MTMR6: variants seen among roughly 807,000 people sequenced by gnomAD.
MTMR6 encodes phosphatidylinositol-3,5-bisphosphate 3-phosphatase MTMR6.
MTMR6 carries 47 observed loss-of-function variants against 80.1 expected under a neutral mutation model. The observed-to-expected ratio is 0.59, with a 90% CI of 0.46 to 0.75. The LOEUF (loss-of-function observed/expected upper bound fraction) is 0.75. Among genes scored for constraint, MTMR6 ranks in the 30% least tolerant of loss-of-function variants. The pLI is 0.00. For synonymous variants in MTMR6, 254 were observed against 253.0 expected (o/e 1.00, Z -0.04); for missense variants, 629 against 730.9 (o/e 0.86, Z 1.61).
intron 7 of MTMR6, among the ~76,000 whole-genome samples, 167 bp downstream of exon 7, chr13:25,258,393 T>G (rs1242223719): frequency 6.6e-6 from 1 of 152,134 alleles, no homozygotes; most frequent in Non-Finnish European, 1.5e-5. Context: ...ATTGACTACA[T>G]GTTAAAATAA....
At chr13:25,256,815 C>G (rs1214485736) in intron 9 of MTMR6, among the ~76,000 whole-genome samples, 1 of 152,030 alleles carries the variant, frequency 6.6e-6, no homozygotes, top group Non-Finnish European at 1.5e-5. Flanking sequence ...TGTTTTATTA[C>G]ATTATTTACA....
rs1956996603 is a variant in MTMR6, at chr13:25,247,203, G to C, written c.*2029C>G. 1 of 152,012 alleles carries C rather than the reference G, an allele frequency of 6.6e-6. No individual in the cohort carries two copies. The highest frequency in any genetic ancestry group is 1.5e-5 in the Non-Finnish European group (1 of 67,922). 9.4% of individuals were successfully genotyped at this position (152,012 alleles called of 1,614,324 possible). On this transcript the variant is annotated 3_prime_UTR_variant, in exon 14 of 14. Coordinates refer to ENST00000381801, the MANE Select transcript of MTMR6 (RefSeq NM_004685.5). ...TGTAATGGGCAAGTCTACTTGCCTA[G>C]GTGAGAAGAAAAAAAAAACAACTAC...
rs1957017877 is a variant in MTMR6 at position 25,248,097 on chromosome 13, ATC to A, written c.*1133_*1134del. 1 of 150,970 alleles carries A rather than the reference ATC, an allele frequency of 6.6e-6. No homozygotes were observed. The allele number at this position is 150,970 out of a possible 1,614,324, so 9.4% of individuals were successfully genotyped here. On this transcript the variant is annotated 3_prime_UTR_variant, in exon 14 of 14. Transcript: ENST00000381801. ...TGTTAAACAGTAACTTTGTACTAGAATCTCTTTTTTTTTCTATATTTAACAAG... is the reference window on the plus strand; with the variant it reads ...TGTTAAACAGTAACTTTGTACTAGAATCTTTTTTTTTCTATATTTAACAAG...
chr13:25,267,740 C>G (rs761155468), intron 3 of MTMR6, 39 bp downstream of exon 3: 20 of 1,572,038 alleles, frequency 1.3e-5, no homozygotes, highest in Non-Finnish European at 1.7e-5. Flanking sequence ...TAACCCATCT[C>G]AAATTGAGCA....
At chr13:25,281,348 G>C (rs1566044791) in intron 1 of MTMR6, among the ~76,000 whole-genome samples, 1 of 149,782 alleles carries the variant, frequency 6.7e-6, no homozygotes, top group Non-Finnish European at 1.5e-5. Context: ...AAGGAAAGGA[G>C]AAAGACAGGA....
chr13:25,282,013 G>A (rs1356032785), intron 1 of MTMR6, among the ~76,000 whole-genome samples: 3 of 152,136 alleles, frequency 2.0e-5, no homozygotes, highest in Non-Finnish European at 2.9e-5. Context: ...TGGCCTTCAA[G>A]ACTACAGTAA....
intron 2 of MTMR6, among the ~76,000 whole-genome samples, chr13:25,273,838 T>A (rs1161008002): frequency 6.6e-6 from 1 of 152,182 alleles, no homozygotes; most frequent in African/African-American, 2.4e-5. Context: ...GAACAACAGG[T>A]ATTTCATAAT....
At chr13:25,281,144 T>C (rs558600810) in intron 1 of MTMR6, among the ~76,000 whole-genome samples, 6 of 152,204 alleles carry the variant, frequency 3.9e-5, no homozygotes, top group Admixed American at 2.0e-4. Flanking sequence ...CTGAGCAACA[T>C]AGTGACACCC....
rs1022078859 is a variant in MTMR6, at chr13:25,252,079, G to A, written c.1347-95C>T. On this transcript the variant is annotated intron_variant, in intron 11 of 13. Transcript: ENST00000381801. ...TATAAATCAGGCGATGGCTTCCGAA[G>A]CAGATTTAAATTTTAGTTTTTTCTT... 1.3e-4 allele frequency: 175 copies of A among 1,386,308 alleles called. 1 individual carries two copies. The East Asian group carries it at 3.9e-3, about 31-fold the overall frequency. The allele number at this position is 1,386,308 out of a possible 1,614,324, so 85.9% of individuals were successfully genotyped here.
At chr13:25,260,476 C>T in intron 6 of MTMR6, 1 of 543,402 alleles carries the variant, frequency 1.8e-6, no homozygotes, top group Non-Finnish European at 2.7e-6. Context: ...TCTAAATTAT[C>T]TTTTGTGAAA....
At chr13:25,277,436 CAATA>C (rs1205835247) in intron 1 of MTMR6, among the ~76,000 whole-genome samples, 1 of 152,198 alleles carries the variant, frequency 6.6e-6, no homozygotes, top group Non-Finnish European at 1.5e-5. Context: ...GTGTCTGACA[CAATA>C]AATGTTTGTT....
Position 25,258,609 on chromosome 13 carries a change from T to C in MTMR6, c.810A>G (p.Gly270=). The C allele has an allele frequency of 6.3e-7, 1 of 1,598,926 alleles. No individual in the cohort carries two copies. Among genetic ancestry groups the C allele is most frequent in the Non-Finnish European group, 8.5e-7 (1 of 1,175,980 alleles). Residue 270 remains glycine (G), a synonymous_variant, in exon 7 of 14, where the codon GGA becomes GGG. Transcript: ENST00000381801. ...NYSNIRFQFV[G]IENIHVMRSS... ...ACCTCATGACATGAATATTTTCAATTCCAACAAACTGAAATCTAATATTGG... is the reference window on the plus strand; with the variant it reads ...ACCTCATGACATGAATATTTTCAATCCCAACAAACTGAAATCTAATATTGG...
At chr13:25,252,227 C>A (rs920399090) in intron 11 of MTMR6, among the ~76,000 whole-genome samples, 1 of 152,130 alleles carries the variant, frequency 6.6e-6, no homozygotes, top group Admixed American at 6.5e-5. Flanking sequence ...TCTCTCACAA[C>A]CATATATTTT....
chr13:25,273,807 G>T lies in MTMR6; in HGVS notation c.141+264C>A, dbSNP rs182103963. 3.5e-3 allele frequency among the ~76,000 whole-genome samples: 526 copies of T among 152,302 alleles called. 9 individuals are homozygous for T. Among genetic ancestry groups the T allele is most frequent in the African/African-American group, 0.012 (507 of 41,564 alleles). Reference sequence around the variant, plus strand: ...CCCAAAGTGCTGGGATTACAGGCGTGAGCCACCGCATCCGGCCTAGGAACA... The same window carrying T: ...CCCAAAGTGCTGGGATTACAGGCGTTAGCCACCGCATCCGGCCTAGGAACA... On this transcript the variant is annotated intron_variant, in intron 2 of 13. Coordinates refer to ENST00000381801, the MANE Select transcript of MTMR6 (RefSeq NM_004685.5).
At chr13:25,265,200 T>A (rs140330818) in intron 5 of MTMR6, among the ~76,000 whole-genome samples, 59 of 152,214 alleles carry the variant, frequency 3.9e-4, no homozygotes, top group African/African-American at 1.3e-3. Flanking sequence ...TCAGCGGTTG[T>A]CTTATCAAAA....
intron 3 of MTMR6, among the ~76,000 whole-genome samples, chr13:25,267,575 C>T (rs566372874): frequency 6.6e-6 from 1 of 152,258 alleles, no homozygotes; most frequent in South Asian, 2.1e-4. Flanking sequence ...TTTTCCTTAC[C>T]ATTACCCCTT....
chr13:25,275,915 G>C (rs1412155824), intron 1 of MTMR6, among the ~76,000 whole-genome samples: 1 of 143,092 alleles, frequency 7.0e-6, no homozygotes, highest in Non-Finnish European at 1.6e-5. Flanking sequence ...GGGGAGAGGA[G>C]GGGAGGGGAG....
In MTMR6 at chr13:25,248,099, CTCT is replaced by C. The variant is rs1957017940; in HGVS notation, c.*1130_*1132del. 1 of 150,786 alleles carries C rather than the reference CTCT, an allele frequency of 6.6e-6. No homozygotes were observed. Among genetic ancestry groups the C allele is most frequent in the Non-Finnish European group, 1.5e-5 (1 of 67,396 alleles). 9.3% of individuals were successfully genotyped at this position (150,786 alleles called of 1,614,324 possible). A position where few individuals can be genotyped will look rare whatever the true frequency, so the allele number is the denominator to read the frequency against. On this transcript the variant is annotated 3_prime_UTR_variant, in exon 14 of 14. Coordinates refer to ENST00000381801, the MANE Select transcript of MTMR6 (RefSeq NM_004685.5). ...TTAAACAGTAACTTTGTACTAGAATCTCTTTTTTTTTCTATATTTAACAAGAAG... is the reference window on the plus strand; with the variant it reads ...TTAAACAGTAACTTTGTACTAGAATCTTTTTTTTCTATATTTAACAAGAAG...
rs780703365 is a variant in MTMR6 at position 25,258,629 on chromosome 13, T to C, written c.790A>G (p.Ile264Val). ...GYENEDNYSN[I>V]RFQFVGIENI... The stretch of plus-strand genomic sequence containing the variant: ...TCAATTCCAACAAACTGAAATCTAA[T>C]ATTGGAATAGTTGTCTTCATTTTCA... Residue 264 changes from isoleucine to valine, a missense_variant, in exon 7 of 14, where the codon ATT becomes GTT. Coordinates refer to ENST00000381801, the MANE Select transcript of MTMR6 (RefSeq NM_004685.5). The C allele has an allele frequency of 5.6e-6, 9 of 1,598,898 alleles. No individual in the cohort carries two copies. In the East Asian group the frequency reaches 1.8e-4, roughly 32 times the overall value.
Sources: gnomAD v4.1 joint callset for allele counts (sites outside exome capture counted in the v4.1 genomes callset) on GRCh38, gnomAD v4.1.1 for gene constraint, MANE v1.5 for transcripts, NCBI Gene and HGNC (gene_info 2026-07-23, HGNC 2026-07-21) for gene names.